Variants in GNAQ observed in about 807,000 individuals in gnomAD.
GNAQ encodes guanine nucleotide-binding protein G(q) subunit alpha.
In GNAQ, 8 loss-of-function variants were observed where a neutral mutation model predicts 43.9. The ratio of observed to expected loss-of-function variants is 0.18; its 90% CI spans 0.11 to 0.33. The LOEUF (loss-of-function observed/expected upper bound fraction) is 0.33, where lower values mean the gene tolerates loss of function less well. Ranked by LOEUF, GNAQ falls within the 10% of genes least tolerant of loss-of-function variation. The pLI, the probability that GNAQ is intolerant of heterozygous loss-of-function variation, is 1.00. For synonymous variants in GNAQ, 155 were observed against 170.7 expected, an observed-to-expected ratio of 0.91 and a Z score of 0.71; for missense variants, 158 against 450.8, an observed-to-expected ratio of 0.35 and a Z score of 5.88.
At chr9:78,024,566 C>A (rs1823953220) in intron 1 of GNAQ, among the ~76,000 whole-genome samples, 1 of 152,286 alleles carries the variant, frequency 6.6e-6, no homozygotes, top group South Asian at 2.1e-4. Flanking sequence ...CCAGGAAGCT[C>A]CTACAATGGC....
chr9:77,877,952 T>C (rs1203384225), intron 2 of GNAQ, among the ~76,000 whole-genome samples: 1 of 152,128 alleles, frequency 6.6e-6, no homozygotes, highest in Non-Finnish European at 1.5e-5. Context: ...CTAGCCCTCT[T>C]CCCTAACACC....
intron 1 of GNAQ, among the ~76,000 whole-genome samples, chr9:78,011,811 G>T (rs1461147899): frequency 6.6e-6 from 1 of 152,048 alleles, no homozygotes; most frequent in East Asian, 1.9e-4. Flanking sequence ...AACAGCTTTG[G>T]CAGAGAAACA....
At chr9:77,829,215 C>A (rs748772468) in intron 2 of GNAQ, among the ~76,000 whole-genome samples, 1 of 152,190 alleles carries the variant, frequency 6.6e-6, no homozygotes, top group African/African-American at 2.4e-5. Flanking sequence ...CTAAGTATTA[C>A]TTTATTTGAA....
rs1203269137 is a variant in GNAQ at position 77,716,649 on chromosome 9, A to G, written c.*4674T>C. On this transcript the variant is annotated 3_prime_UTR_variant, in exon 7 of 7. Coordinates refer to ENST00000286548, the MANE Select transcript of GNAQ (RefSeq NM_002072.5). ...TCCTGAACTTAAAAATGTTCTACCA[A>G]CGAATACCTTTCTGTTTTTTCTGTC... 1 of 232,844 alleles carries G rather than the reference A, an allele frequency of 4.3e-6. No homozygotes were observed. Among genetic ancestry groups the G allele is most frequent in the Non-Finnish European group, 8.5e-6 (1 of 117,900 alleles). The allele number at this position is 232,844 out of a possible 1,614,324, so 14.4% of individuals were successfully genotyped here.
At chr9:77,763,866 G>A (rs1826093485) in intron 5 of GNAQ, among the ~76,000 whole-genome samples, 1 of 152,204 alleles carries the variant, frequency 6.6e-6, no homozygotes. Context: ...GCTGCTCTAG[G>A]AAGCCTATAT....
chr9:77,921,676 T>G (rs1564152415), intron 2 of GNAQ, among the ~76,000 whole-genome samples: 1 of 152,212 alleles, frequency 6.6e-6, no homozygotes, highest in Non-Finnish European at 1.5e-5. Flanking sequence ...TGGACCTATT[T>G]TGAAATCAAA....
chr9:77,791,603 T>C (rs565623840), intron 5 of GNAQ, among the ~76,000 whole-genome samples: 156 of 152,202 alleles, frequency 1.0e-3, no homozygotes, highest in Middle Eastern at 3.4e-3. Context: ...CCCCAAACAA[T>C]AGAAAGGCTG....
intron 2 of GNAQ, among the ~76,000 whole-genome samples, chr9:77,889,618 G>A (rs903827706): frequency 2.0e-5 from 3 of 152,006 alleles, no homozygotes; most frequent in Admixed American, 1.3e-4. Context: ...TAGTGATGCT[G>A]CAAGTTCATT....
intron 1 of GNAQ, among the ~76,000 whole-genome samples, chr9:78,010,953 A>G (rs527294064): frequency 6.6e-6 from 1 of 152,298 alleles, no homozygotes; most frequent in African/African-American, 2.4e-5. Context: ...AACATAGCCA[A>G]CAGATCTGTT....
In GNAQ at chr9:77,750,976, C is replaced by G. The variant is rs541073156; in HGVS notation, c.736-22309G>C. Among the ~76,000 whole-genome samples, 25 of 152,268 alleles carry G rather than the reference C, an allele frequency of 1.6e-4. No homozygotes were observed. The South Asian group carries it at 4.6e-3, about 28-fold the overall frequency. Reference sequence around the variant, plus strand: ...ACTGTACAGTGCTGTAAATACATACCAACTCATGAGTCTAATAAGTGGAGA... The same window carrying G: ...ACTGTACAGTGCTGTAAATACATACGAACTCATGAGTCTAATAAGTGGAGA... On this transcript the variant is annotated intron_variant, in intron 5 of 6. Transcript: ENST00000286548.
Position 77,810,280 on chromosome 9 carries a change from T to C in GNAQ, c.476+5336A>G, listed in dbSNP as rs887224196. On this transcript the variant is annotated intron_variant, in intron 3 of 6. Transcript: ENST00000286548. ...TATCTATCTATCTGTCATGCATCCA[T>C]CCATCCTGTGTGAGGCTGTATTTCA... Among the ~76,000 whole-genome samples the C allele has an allele frequency of 3.3e-5, 5 of 151,942 alleles. No homozygotes were observed. In the South Asian group the frequency reaches 6.2e-4, roughly 19 times the overall value.
At chr9:77,767,519 C>A (rs550984057) in intron 5 of GNAQ, among the ~76,000 whole-genome samples, 118 of 152,332 alleles carry the variant, frequency 7.7e-4, no homozygotes, top group African/African-American at 2.6e-3. Flanking sequence ...CTCAGATCTA[C>A]ACTGAAATTA....
chr9:77,938,433 A>C (rs1259389579), intron 1 of GNAQ, among the ~76,000 whole-genome samples: 1 of 152,230 alleles, frequency 6.6e-6, no homozygotes, highest in Non-Finnish European at 1.5e-5. Flanking sequence ...CTCATGAAGA[A>C]GACACTGGCA....
chr9:77,859,224 G>A (rs946594779), intron 2 of GNAQ, among the ~76,000 whole-genome samples: 5 of 152,102 alleles, frequency 3.3e-5, no homozygotes, highest in Admixed American at 3.3e-4. Flanking sequence ...TAACGTAATT[G>A]TAACACCTCA....
At chr9:78,006,553 C>A (rs1041112205) in intron 1 of GNAQ, among the ~76,000 whole-genome samples, 2 of 152,184 alleles carry the variant, frequency 1.3e-5, no homozygotes, top group Admixed American at 6.5e-5. Context: ...GGACTAAAAC[C>A]TTTCCAAGCA....
chr9:77,737,841 T>A (rs1199948626), intron 5 of GNAQ, among the ~76,000 whole-genome samples: 1 of 152,194 alleles, frequency 6.6e-6, no homozygotes, highest in Admixed American at 6.5e-5. Flanking sequence ...CTGTTCCCAT[T>A]GCATCCTAGG....
At chr9:78,018,205 A>G (rs1823862719) in intron 1 of GNAQ, among the ~76,000 whole-genome samples, 1 of 152,268 alleles carries the variant, frequency 6.6e-6, no homozygotes, top group African/African-American at 2.4e-5. Flanking sequence ...CAAGTAAACA[A>G]TATACATCCT....
At chr9:77,907,500 C>A (rs1299186857) in intron 2 of GNAQ, among the ~76,000 whole-genome samples, 2 of 152,320 alleles carry the variant, frequency 1.3e-5, no homozygotes, top group East Asian at 3.9e-4. Flanking sequence ...AATGAGACTG[C>A]AAGTCCCCAT....
intron 5 of GNAQ, among the ~76,000 whole-genome samples, chr9:77,785,454 G>C (rs1366210043): frequency 6.6e-6 from 1 of 152,178 alleles, no homozygotes; most frequent in Non-Finnish European, 1.5e-5. Flanking sequence ...TTTGTTTCAA[G>C]AGTCCTAGGA....
Sources: allele counts gnomAD v4.1 joint callset (sites outside exome capture counted in the v4.1 genomes callset), GRCh38; gene constraint gnomAD v4.1.1; transcripts MANE v1.5; gene names NCBI Gene and HGNC (gene_info 2026-07-23, HGNC 2026-07-21).